Variants in FER observed in about 807,000 individuals in gnomAD.
FER encodes FER tyrosine kinase, also known as tyrosine-protein kinase Fer.
A neutral mutation model predicts 111.0 loss-of-function variants in FER; 63 were observed. The ratio of observed to expected loss-of-function variants is 0.57; its 90% CI spans 0.46 to 0.70. The LOEUF is 0.70. Among genes scored for constraint, FER ranks in the 30% least tolerant of loss-of-function variants. The pLI, the probability that FER is intolerant of heterozygous loss-of-function variation, is 0.00. For missense variants in FER, 914 were observed against 954.0 expected (o/e 0.96, Z 0.55); for synonymous variants, 327 against 313.9 (o/e 1.04, Z -0.44).
Position 108,946,176 on chromosome 5 carries a change from T to A in FER, c.1283T>A (p.Ile428Asn), listed in dbSNP as rs1756958037. 1 of 1,612,302 alleles carries A rather than the reference T, an allele frequency of 6.2e-7. No individual in the cohort carries two copies. The highest frequency in any genetic ancestry group is 8.5e-7 in the Non-Finnish European group (1 of 1,178,990). The change falls in exon 11 of 20, where the codon ATT (isoleucine) becomes AAT (asparagine). Residue 428 changes from isoleucine (I) to asparagine (N), a missense_variant. Ile to Asn is a moderately radical substitution (Grantham distance 149, BLOSUM62 -3). Around this residue, in one of 3 missense-constraint regions of FER, gnomAD observed 774 missense variants for 782.6 expected, o/e 0.99. Transcript: ENST00000281092. ...AAATTTGAATCTATTCGTCATTCAA[T>A]TGCTGGAATAATTAGGTCTCCAAAA... ...LSKFESIRHSIAGIIRSPKSA... is the reference protein window; with the variant it reads ...LSKFESIRHSNAGIIRSPKSA...
chr5:108,920,870 A>T (rs1752929941), intron 10 of FER, among the ~76,000 whole-genome samples: 2 of 152,026 alleles, frequency 1.3e-5, no homozygotes, highest in Non-Finnish European at 2.9e-5. Flanking sequence ...CTCACCATGA[A>T]CTCAATTACA....
chr5:108,954,305 T>G (rs1758144278), intron 11 of FER, among the ~76,000 whole-genome samples: 1 of 152,090 alleles, frequency 6.6e-6, no homozygotes, highest in Admixed American at 6.6e-5. Flanking sequence ...GCTCAGAACC[T>G]CTGTGATCAA....
chr5:108,829,808 A>G (rs1759848320), intron 3 of FER, among the ~76,000 whole-genome samples: 1 of 152,114 alleles, frequency 6.6e-6, no homozygotes, highest in Admixed American at 6.6e-5. Flanking sequence ...TACCGCCTTC[A>G]TGGAGCTTCC....
chr5:108,995,735 A>G (rs1363315560), intron 13 of FER, among the ~76,000 whole-genome samples: 1 of 152,146 alleles, frequency 6.6e-6, no homozygotes, highest in Non-Finnish European at 1.5e-5. Flanking sequence ...ATACGTGTGC[A>G]TGTGTCTTTA....
intron 13 of FER, among the ~76,000 whole-genome samples, chr5:109,002,775 A>G (rs952713381): frequency 6.6e-6 from 1 of 152,240 alleles, no homozygotes; most frequent in Admixed American, 6.5e-5. Flanking sequence ...TTTACAAGAA[A>G]AAAACAACCG....
chr5:108,953,018 T>C (rs1757970162), intron 11 of FER, among the ~76,000 whole-genome samples: 1 of 151,932 alleles, frequency 6.6e-6, no homozygotes, highest in Admixed American at 6.6e-5. Flanking sequence ...TTGCTATTGG[T>C]GAGACAGAAA....
chr5:108,882,029 A>G (rs1289218038), intron 8 of FER, among the ~76,000 whole-genome samples: 1 of 152,074 alleles, frequency 6.6e-6, no homozygotes, highest in Non-Finnish European at 1.5e-5. Flanking sequence ...AACCTTATAT[A>G]TGTGTACCTA....
chr5:108,812,625 T>C (rs748754878), intron 3 of FER, among the ~76,000 whole-genome samples: 3 of 152,172 alleles, frequency 2.0e-5, no homozygotes, highest in African/African-American at 4.8e-5. Context: ...TCCTGTCTGC[T>C]CTTTTTATGT....
intron 17 of FER, among the ~76,000 whole-genome samples, chr5:109,126,435 T>C (rs1399352690): frequency 6.6e-6 from 1 of 152,176 alleles, no homozygotes; most frequent in African/African-American, 2.4e-5. Context: ...AGAAAGTTCT[T>C]GGAAGAAAAA....
chr5:108,865,235 C>A (rs990855720), intron 5 of FER, among the ~76,000 whole-genome samples: 5 of 152,138 alleles, frequency 3.3e-5, no homozygotes, highest in Non-Finnish European at 7.3e-5. Context: ...AGTTGCCTAT[C>A]AGCTTAAGGA....
intron 9 of FER, among the ~76,000 whole-genome samples, chr5:108,889,408 G>A (rs1747676724): frequency 6.6e-6 from 1 of 151,848 alleles, no homozygotes; most frequent in Admixed American, 6.6e-5. Flanking sequence ...AACATGGATG[G>A]CACTGGAGGT....
intron 5 of FER, among the ~76,000 whole-genome samples, chr5:108,852,936 C>G (rs934527754): frequency 7.2e-5 from 11 of 152,040 alleles, no homozygotes; most frequent in Non-Finnish European, 1.5e-4. Context: ...CATTTATATT[C>G]TTTGTATTAC....
Position 109,025,274 on chromosome 5 carries a change from T to C in FER, c.1657-12148T>C, listed in dbSNP as rs557304572. ...TGAACATGGAATGTTCTTCCATTTGTTTGTATCCTCTTTTATTTCCTTGAG... is the reference window on the plus strand; with the variant it reads ...TGAACATGGAATGTTCTTCCATTTGCTTGTATCCTCTTTTATTTCCTTGAG... On this transcript the variant is annotated intron_variant, in intron 13 of 19. Coordinates refer to ENST00000281092, the MANE Select transcript of FER (RefSeq NM_005246.4). 7.2e-3 allele frequency among the ~76,000 whole-genome samples: 1,099 copies of C among 152,252 alleles called. 15 individuals are homozygous for C. Among genetic ancestry groups the C allele is most frequent in the African/African-American group, 0.025 (1,038 of 41,514 alleles).
At chr5:108,892,795 T>C (rs1263279879) in intron 9 of FER, among the ~76,000 whole-genome samples, 1 of 152,234 alleles carries the variant, frequency 6.6e-6, no homozygotes, top group East Asian at 1.9e-4. Context: ...GTTTTTATGG[T>C]GTTAGGTCTA....
At chr5:108,894,414 G>A in intron 9 of FER, 1 of 690,694 alleles carries the variant, frequency 1.4e-6, no homozygotes, top group Non-Finnish European at 2.1e-6. Flanking sequence ...CTCGTCTGCT[G>A]GCAACTGCAT....
At chr5:108,851,901 TC>T (rs1291148294) in intron 5 of FER, among the ~76,000 whole-genome samples, 1 of 152,172 alleles carries the variant, frequency 6.6e-6, no homozygotes, top group African/African-American at 2.4e-5. Flanking sequence ...TTATCATACA[TC>T]ATGTTCAGGA....
At chr5:108,941,530 G>A (rs1756269905) in intron 10 of FER, among the ~76,000 whole-genome samples, 1 of 152,110 alleles carries the variant, frequency 6.6e-6, no homozygotes, top group Non-Finnish European at 1.5e-5. Context: ...GGTATTCCTT[G>A]TCTCACAGTT....
In FER at chr5:109,194,220, T is replaced by C. The variant is rs906195874; in HGVS notation, c.*6645T>C. The C allele has an allele frequency of 6.6e-6, 1 of 152,240 alleles. No homozygotes were observed. The highest frequency in any genetic ancestry group is 2.1e-4 in the South Asian group (1 of 4,826). The allele number at this position is 152,240 out of a possible 1,614,324, so 9.4% of individuals were successfully genotyped here. ...CCACTGTTCTATTGCCAATACCTTTTGTTGTTTTCTTCACACTCCTCTTGG... is the reference window on the plus strand; with the variant it reads ...CCACTGTTCTATTGCCAATACCTTTCGTTGTTTTCTTCACACTCCTCTTGG... On this transcript the variant is annotated 3_prime_UTR_variant, in exon 20 of 20. Transcript: ENST00000281092.
chr5:109,119,860 C>A (rs543733647), intron 17 of FER, among the ~76,000 whole-genome samples: 1 of 152,160 alleles, frequency 6.6e-6, no homozygotes, highest in South Asian at 2.1e-4. Context: ...ATTTGCATTT[C>A]TCTGATGGTC....
Sources: allele counts gnomAD v4.1 joint callset (sites outside exome capture counted in the v4.1 genomes callset), GRCh38; gene constraint gnomAD v4.1.1; regional missense constraint gnomAD v4.1.1; transcripts MANE v1.5; gene names NCBI Gene and HGNC (gene_info 2026-07-23, HGNC 2026-07-21).